The following NAA11 variants were observed in gnomAD, a reference collection of about 807,000 sequenced individuals.
The protein encoded by NAA11 is N-alpha-acetyltransferase 11, NatA catalytic subunit, also known as N-alpha-acetyltransferase 11.
In NAA11, 15 loss-of-function variants were observed where a neutral mutation model predicts 16.1. The observed-to-expected ratio is 0.93, with a 90% CI of 0.62 to 1.44. The LOEUF is 1.44. Ranked by LOEUF, NAA11 falls within the 40% of genes most tolerant of loss-of-function variation. The probability of loss-of-function intolerance (pLI) is 0.00; values close to 1 mark genes in which losing one functional copy is unlikely to be tolerated. For synonymous variants in NAA11, 122 were observed against 112.4 expected (o/e 1.09, Z -0.54); for missense variants, 298 against 291.3 (o/e 1.02, Z -0.17).
intron 2 of NAA11, among the ~76,000 whole-genome samples, chr4:79,233,270 A>G (rs1721504540): frequency 6.6e-6 from 1 of 152,032 alleles, no homozygotes; most frequent in South Asian, 2.1e-4. Flanking sequence ...GTGACTGTAG[A>G]AGACAATTTT....
At chr4:79,230,272 T>G (rs1425321913) in intron 2 of NAA11, among the ~76,000 whole-genome samples, 2 of 147,548 alleles carry the variant, frequency 1.4e-5, no homozygotes, top group Admixed American at 6.8e-5. Flanking sequence ...TGGGGACTGT[T>G]GTGGGGTGGG....
chr4:79,236,480 T>C (rs911229155), intron 2 of NAA11, among the ~76,000 whole-genome samples: 5 of 152,112 alleles, frequency 3.3e-5, no homozygotes, highest in South Asian at 4.1e-4. Context: ...AAAGATTTTT[T>C]CCCCCTCAGG....
At chr4:79,193,500 T>C in the NAA11 span, among the ~76,000 whole-genome samples, 6 of 152,232 alleles carry the variant, frequency 3.9e-5, no homozygotes, top group African/African-American at 1.4e-4. Context: ...CCCCATTTCT[T>C]GTTTTTGTCA....
the NAA11 span, among the ~76,000 whole-genome samples, chr4:79,172,360 C>T: frequency 2.0e-5 from 3 of 151,986 alleles, no homozygotes; most frequent in African/African-American, 7.2e-5. Context: ...AATAAGACCC[C>T]CAATTGTATT....
intron 1 of NAA11, among the ~76,000 whole-genome samples, chr4:79,322,409 CTCT>C (rs1724120233): frequency 6.6e-6 from 1 of 152,102 alleles, no homozygotes; most frequent in Non-Finnish European, 1.5e-5. Context: ...TATTATTTCT[CTCT>C]TCTTTTACTA....
At chr4:79,165,477 G>A in the NAA11 span, among the ~76,000 whole-genome samples, 4 of 152,212 alleles carry the variant, frequency 2.6e-5, no homozygotes, top group Non-Finnish European at 5.9e-5. Flanking sequence ...AGCTCTTCCT[G>A]TTACTCTCCC....
At chr4:79,306,449 T>C (rs1224353257) in intron 1 of NAA11, among the ~76,000 whole-genome samples, 1 of 152,164 alleles carries the variant, frequency 6.6e-6, no homozygotes. Context: ...CTCCTCTTAT[T>C]ATAAGGATAC....
In NAA11 at chr4:79,317,203, C is replaced by CT. The variant is rs1479359515; in HGVS notation, c.*600dup. On this transcript the variant is annotated 3_prime_UTR_variant, in exon 2 of 2. Transcript: ENST00000286794. ...ACAGTAGAAGCTCCTAACTTAACACCTTTTCCCACTGGGAAGGTGATGCCC... is the reference window on the plus strand; with the variant it reads ...ACAGTAGAAGCTCCTAACTTAACACCTTTTTCCCACTGGGAAGGTGATGCCC... The CT allele has an allele frequency of 6.6e-6, 1 of 152,068 alleles. No homozygotes were observed. Among genetic ancestry groups the CT allele is most frequent in the Non-Finnish European group, 1.5e-5 (1 of 68,012 alleles). The allele number at this position is 152,068 out of a possible 1,614,324, so 9.4% of individuals were successfully genotyped here.
the NAA11 span, among the ~76,000 whole-genome samples, chr4:79,162,779 T>G: frequency 2.0e-5 from 3 of 152,202 alleles, no homozygotes; most frequent in Non-Finnish European, 2.9e-5. Context: ...TTATGTTACA[T>G]AGTCTACCAA....
chr4:79,325,912 T>G lies in NAA11; in HGVS notation c.-35A>C. 6.4e-7 allele frequency: 1 copy of G among 1,569,044 alleles called. No homozygotes were observed. The highest frequency in any genetic ancestry group is 8.7e-7 in the Non-Finnish European group (1 of 1,155,022). ...GGGTAGGGAACCGGTTGGACTGCAG[T>G]GAACCCAGAAGAGGCTGTCGCCGAC... On this transcript the variant is annotated 5_prime_UTR_variant, in exon 1 of 2. Transcript: ENST00000286794.
intron 1 of NAA11, chr4:79,307,077 G>C (rs1428985825): frequency 6.6e-6 from 1 of 152,208 alleles, no homozygotes; most frequent in Non-Finnish European, 1.5e-5. Context: ...AATCCCAGTT[G>C]ACAGAACTGT....
intron 2 of NAA11, among the ~76,000 whole-genome samples, chr4:79,267,214 TGA>T (rs1299404597): frequency 6.6e-6 from 1 of 152,170 alleles, no homozygotes; most frequent in Non-Finnish European, 1.5e-5. Flanking sequence ...CAAAAAGATG[TGA>T]GTTTATTACA....
At chr4:79,188,933 A>G in the NAA11 span, among the ~76,000 whole-genome samples, 17 of 151,800 alleles carry the variant, frequency 1.1e-4, no homozygotes, top group Admixed American at 9.8e-4. Context: ...AAGAGGAAAT[A>G]TAAGAAACTT....
the NAA11 span, among the ~76,000 whole-genome samples, chr4:79,184,422 G>C: frequency 3.9e-5 from 6 of 152,226 alleles, no homozygotes; most frequent in East Asian, 1.2e-3. Flanking sequence ...GGAAATATAA[G>C]CTAAAAGGGC....
At chr4:79,218,801 T>C in the NAA11 span, among the ~76,000 whole-genome samples, 1 of 152,138 alleles carries the variant, frequency 6.6e-6, no homozygotes, top group Non-Finnish European at 1.5e-5. Flanking sequence ...AGCTACAATC[T>C]TGGTCTCAGG....
At chr4:79,285,941 G>A (rs1280747024) in intron 2 of NAA11, among the ~76,000 whole-genome samples, 1 of 151,964 alleles carries the variant, frequency 6.6e-6, no homozygotes, top group African/African-American at 2.4e-5. Context: ...AACTGCCATA[G>A]GTAGTATCAA....
the NAA11 span, among the ~76,000 whole-genome samples, chr4:79,208,653 T>C: frequency 6.6e-6 from 1 of 152,084 alleles, no homozygotes; most frequent in East Asian, 1.9e-4. Context: ...CCTAACCTAA[T>C]ATTTATTGCT....
At chr4:79,210,515 C>G in the NAA11 span, among the ~76,000 whole-genome samples, 1 of 152,020 alleles carries the variant, frequency 6.6e-6, no homozygotes, top group South Asian at 2.1e-4. Context: ...CACGGCATAG[C>G]CTGTTCAGAG....
chr4:79,267,340 G>T (rs942359224), intron 2 of NAA11, among the ~76,000 whole-genome samples: 1 of 152,128 alleles, frequency 6.6e-6, no homozygotes, highest in African/African-American at 2.4e-5. Flanking sequence ...TTACACTTGG[G>T]GAGAGGCTTA....
Sources: gnomAD v4.1 joint callset for allele counts (sites outside exome capture counted in the v4.1 genomes callset) on GRCh38, gnomAD v4.1.1 for gene constraint, MANE v1.5 for transcripts, NCBI Gene and HGNC (gene_info 2026-07-23, HGNC 2026-07-21) for gene names.